The following BLTP3B variants were observed in gnomAD, a reference collection of about 807,000 sequenced individuals.
BLTP3B encodes UHRF1 (ICBP90) binding protein 1-like.
chr12:100,100,240 G>A, the BLTP3B span, among the ~76,000 whole-genome samples: 46 of 152,038 alleles, frequency 3.0e-4, no homozygotes, highest in African/African-American at 1.1e-3. Flanking sequence ...GGGAGGTGGA[G>A]GTTGCAGTGA....
the BLTP3B span, among the ~76,000 whole-genome samples, chr12:100,077,417 T>C: frequency 2.0e-5 from 3 of 152,216 alleles, no homozygotes; most frequent in African/African-American, 7.2e-5. Flanking sequence ...AAGTAGTAAC[T>C]GCATAATGAG....
the BLTP3B span, among the ~76,000 whole-genome samples, chr12:100,071,059 T>C: frequency 6.6e-6 from 1 of 152,186 alleles, no homozygotes; most frequent in Non-Finnish European, 1.5e-5. Flanking sequence ...CTAAGTATTT[T>C]GGAGTTCTAC....
chr12:100,095,224 G>C, the BLTP3B span, among the ~76,000 whole-genome samples: 12 of 152,198 alleles, frequency 7.9e-5, no homozygotes, highest in Middle Eastern at 3.4e-3. Flanking sequence ...GCTTGTCCCT[G>C]TTCTTGCCCC....
the BLTP3B span, among the ~76,000 whole-genome samples, chr12:100,124,186 A>G: frequency 6.6e-6 from 1 of 151,912 alleles, no homozygotes; most frequent in Admixed American, 6.6e-5. Context: ...AGACAGGAGG[A>G]TCACTTGAGC....
chr12:100,139,227 G>C, the BLTP3B span, among the ~76,000 whole-genome samples: 3 of 152,162 alleles, frequency 2.0e-5, no homozygotes, highest in Admixed American at 1.3e-4. Flanking sequence ...CAAGTATATA[G>C]ATTTACAGTT....
At chr12:100,120,496 A>G in the BLTP3B span, among the ~76,000 whole-genome samples, 71 of 152,318 alleles carry the variant, frequency 4.7e-4, 1 homozygote, top group African/African-American at 1.6e-3. Context: ...TCATTAGAAA[A>G]CTGCAAATTA....
the BLTP3B span, chr12:100,128,792 T>G: frequency 8.4e-7 from 1 of 1,189,000 alleles, no homozygotes; most frequent in Non-Finnish European, 1.1e-6. Flanking sequence ...AGGAAAGGAA[T>G]GATGATTAAA....
chr12:100,084,572 A>C, the BLTP3B span: 1 of 1,614,120 alleles, frequency 6.2e-7, no homozygotes, highest in South Asian at 1.1e-5. Context: ...TCAACGTTGC[A>C]CTCAAATTCA....
the BLTP3B span, among the ~76,000 whole-genome samples, chr12:100,088,334 C>T: frequency 1.3e-5 from 2 of 152,114 alleles, no homozygotes; most frequent in Non-Finnish European, 2.9e-5. Flanking sequence ...AAACGCCCAG[C>T]GCCTAGATTA....
chr12:100,118,069 TG>T, the BLTP3B span, among the ~76,000 whole-genome samples: 2 of 152,038 alleles, frequency 1.3e-5, no homozygotes, highest in Non-Finnish European at 2.9e-5. Context: ...GCATTTCTCT[TG>T]GTCCCAGAAA....
At chr12:100,123,751 C>CTT in the BLTP3B span, among the ~76,000 whole-genome samples, 5 of 144,982 alleles carry the variant, frequency 3.4e-5, no homozygotes, top group South Asian at 2.2e-4. Flanking sequence ...TTTAAACTGC[C>CTT]TTTTTTTTTT....
chr12:100,041,052 T>A, the BLTP3B span, among the ~76,000 whole-genome samples: 1 of 152,084 alleles, frequency 6.6e-6, no homozygotes, highest in Non-Finnish European at 1.5e-5. Flanking sequence ...AATATAGACA[T>A]AATCATCAAC....
At chr12:100,124,961 TATATATATATATATATA>T in the BLTP3B span, among the ~76,000 whole-genome samples, 8 of 116,030 alleles carry the variant, frequency 6.9e-5, 1 homozygote, top group African/African-American at 2.5e-4. Context: ...TATATATATA[TATATATATATATATATA>T]TTTATATTTA....
At chr12:100,083,734 C>T in the BLTP3B span, among the ~76,000 whole-genome samples, 5 of 150,112 alleles carry the variant, frequency 3.3e-5, no homozygotes, top group Non-Finnish European at 5.9e-5. Flanking sequence ...CTCATAAATA[C>T]GTACAATTAT....
the BLTP3B span, chr12:100,082,992 A>G: frequency 1.3e-6 from 2 of 1,566,452 alleles, no homozygotes; most frequent in Non-Finnish European, 1.8e-6. Context: ...TTATGAGAAA[A>G]CTTAATTGGA....
chr12:100,113,291 C>A, the BLTP3B span, among the ~76,000 whole-genome samples: 16 of 152,154 alleles, frequency 1.1e-4, no homozygotes, highest in South Asian at 3.3e-3. Context: ...TCCTGGCCAA[C>A]GTGGCGAAAC....
chr12:100,092,256 G>A, the BLTP3B span, among the ~76,000 whole-genome samples: 7 of 152,128 alleles, frequency 4.6e-5, no homozygotes, highest in South Asian at 2.1e-4. Flanking sequence ...TTTCTGACAC[G>A]TTGTCTTGGG....
At chr12:100,088,951 G>T in the BLTP3B span, 1 of 1,608,862 alleles carries the variant, frequency 6.2e-7, no homozygotes, top group Non-Finnish European at 8.5e-7. Context: ...CATATGTGTA[G>T]ATCTAGATGA....
chr12:100,136,905 G>A, the BLTP3B span, among the ~76,000 whole-genome samples: 4 of 151,714 alleles, frequency 2.6e-5, no homozygotes, highest in Non-Finnish European at 4.4e-5. Flanking sequence ...TCCACCTCCC[G>A]GGCTCAAGCA....
Sources: gnomAD v4.1 joint callset for allele counts (sites outside exome capture counted in the v4.1 genomes callset) on GRCh38, gnomAD v4.1.1 for gene constraint, MANE v1.5 for transcripts, NCBI Gene and HGNC (gene_info 2026-07-23, HGNC 2026-07-21) for gene names.